MCF2L2: variants seen among roughly 807,000 people sequenced by gnomAD.
The protein encoded by MCF2L2 is probable guanine nucleotide exchange factor MCF2L2.
A neutral mutation model predicts 150.2 loss-of-function variants in MCF2L2; 102 were observed. The observed-to-expected ratio is 0.68, with a 90% CI of 0.58 to 0.80. The LOEUF (loss-of-function observed/expected upper bound fraction) is 0.80. Among genes scored for constraint, MCF2L2 ranks in the 30% least tolerant of loss-of-function variants. The pLI is 0.00. For missense variants in MCF2L2, 1,256 were observed against 1,372.8 expected, an observed-to-expected ratio of 0.91 and a Z score of 1.34; for synonymous variants, 465 against 491.3, an observed-to-expected ratio of 0.95 and a Z score of 0.71.
At chr3:183,258,796 G>A (rs1725318239) in intron 15 of MCF2L2, among the ~76,000 whole-genome samples, 1 of 152,090 alleles carries the variant, frequency 6.6e-6, no homozygotes, top group South Asian at 2.1e-4. Flanking sequence ...CTAGAGTGCA[G>A]AGGCATGTAG....
At chr3:183,413,834 TA>T (rs1715445470) in intron 1 of MCF2L2, among the ~76,000 whole-genome samples, 1 of 152,206 alleles carries the variant, frequency 6.6e-6, no homozygotes, top group Admixed American at 6.5e-5. Context: ...TCATTAAGTG[TA>T]AGTGGATCGC....
At chr3:183,212,458 A>G (rs1299096583) in intron 22 of MCF2L2, among the ~76,000 whole-genome samples, 4 of 152,212 alleles carry the variant, frequency 2.6e-5, no homozygotes, top group Non-Finnish European at 5.9e-5. Flanking sequence ...CCTCCTCTGT[A>G]CAAGAAGTGA....
chr3:183,274,600 G>A (rs1418397150), intron 15 of MCF2L2, among the ~76,000 whole-genome samples: 2 of 152,190 alleles, frequency 1.3e-5, no homozygotes, highest in South Asian at 2.1e-4. Context: ...GCAAGTCGTG[G>A]TAGGAGTGTT....
intron 1 of MCF2L2, among the ~76,000 whole-genome samples, chr3:183,419,881 A>G (rs1715789100): frequency 6.6e-6 from 1 of 152,222 alleles, no homozygotes; most frequent in African/African-American, 2.4e-5. Context: ...TCAGAAAAAA[A>G]AGAAAAAGAA....
intron 10 of MCF2L2, among the ~76,000 whole-genome samples, chr3:183,301,731 G>A (rs1031757174): frequency 1.7e-4 from 25 of 150,398 alleles, no homozygotes; most frequent in African/African-American, 5.2e-4. Flanking sequence ...GGAAGAGGAG[G>A]TTGCAGTGAG....
chr3:183,280,866 A>G (rs959666908), intron 14 of MCF2L2, among the ~76,000 whole-genome samples: 3 of 150,958 alleles, frequency 2.0e-5, no homozygotes, highest in Admixed American at 2.0e-4. Context: ...AAAAAAACAA[A>G]CAAGCAAACA....
At chr3:183,281,444 C>T (rs79412818) in intron 14 of MCF2L2, among the ~76,000 whole-genome samples, 2,447 of 149,748 alleles carry the variant, frequency 0.016, 40 homozygotes, top group Non-Finnish European at 0.021. Flanking sequence ...AGCACATTCA[C>T]AGATGGTTTG....
chr3:183,242,177 G>A (rs1724057083), intron 15 of MCF2L2, among the ~76,000 whole-genome samples: 1 of 151,878 alleles, frequency 6.6e-6, no homozygotes, highest in African/African-American at 2.4e-5. Flanking sequence ...CAAAAGGGAA[G>A]AAGAGCATAA....
chr3:183,376,232 T>C (rs182340094), intron 3 of MCF2L2: 18 of 152,354 alleles, frequency 1.2e-4, no homozygotes, highest in African/African-American at 4.1e-4. Flanking sequence ...GCCTGCTTCT[T>C]GCCACACAGT....
chr3:183,393,185 C>CT (rs1393671175), intron 1 of MCF2L2, among the ~76,000 whole-genome samples: 1 of 142,648 alleles, frequency 7.0e-6, no homozygotes, highest in Non-Finnish European at 1.5e-5. Flanking sequence ...TAGGGAGAAA[C>CT]TTGTCTCTTT....
chr3:183,313,375 G>A (rs1729465358), intron 7 of MCF2L2, among the ~76,000 whole-genome samples: 1 of 152,226 alleles, frequency 6.6e-6, no homozygotes, highest in Non-Finnish European at 1.5e-5. Context: ...TACATCCAAA[G>A]TGCGGCAGAG....
chr3:183,308,573 C>T (rs1729214867), intron 10 of MCF2L2, among the ~76,000 whole-genome samples: 1 of 152,146 alleles, frequency 6.6e-6, no homozygotes, highest in Non-Finnish European at 1.5e-5. Context: ...GAATGGGGAT[C>T]TGGATACACA....
intron 5 of MCF2L2, among the ~76,000 whole-genome samples, chr3:183,329,676 A>G (rs1730189443): frequency 6.6e-6 from 1 of 152,276 alleles, no homozygotes; most frequent in East Asian, 1.9e-4. Context: ...AGTCAGACTC[A>G]GACTCAAAGG....
rs546450936 is a variant in MCF2L2 at position 183,200,172 on chromosome 3, G to C, written c.2885-4917C>G. Among the ~76,000 whole-genome samples the C allele has an allele frequency of 3.3e-5, 5 of 152,280 alleles. No homozygotes were observed. In the East Asian group the frequency reaches 9.6e-4, roughly 29 times the overall value. On this transcript the variant is annotated intron_variant, in intron 25 of 29. Coordinates refer to ENST00000328913, the MANE Select transcript of MCF2L2 (RefSeq NM_015078.4). ...GGGATGGCTGGGTCAAACGATATTT[G>C]TAGTTCTAGATCTTTGAGGAATCGC...
chr3:183,271,853 A>T (rs1047371878), intron 15 of MCF2L2: 1 of 167,108 alleles, frequency 6.0e-6, no homozygotes, highest in Admixed American at 6.5e-5. Flanking sequence ...AAGACAGAAC[A>T]TTACAAGCCT....
chr3:183,351,688 A>G (rs12632576), intron 3 of MCF2L2, among the ~76,000 whole-genome samples: 17,087 of 152,216 alleles, frequency 0.11, 1,580 homozygotes, highest in African/African-American at 0.24. Context: ...TGATGGTTAC[A>G]CTGTGAACTT....
At chr3:183,211,410 T>A (rs1252208024) in intron 22 of MCF2L2, among the ~76,000 whole-genome samples, 1 of 152,118 alleles carries the variant, frequency 6.6e-6, no homozygotes, top group Non-Finnish European at 1.5e-5. Context: ...TGGGCACATA[T>A]CCTCTGGGTC....
chr3:183,297,461 T>C (rs747810274), intron 11 of MCF2L2: 2 of 312,274 alleles, frequency 6.4e-6, no homozygotes, highest in Non-Finnish European at 1.2e-5. Flanking sequence ...GCTAAATATA[T>C]ATTTAATTAA....
rs576167455 is a variant in MCF2L2, at chr3:183,180,041, A to T, written c.3105+30T>A. ...GCTGATGAATAGGAAGGAGGGAAGA[A>T]GATGAAAGAAACAAAAGGGAAGTAA... is the stretch of plus-strand genomic sequence containing the variant. On this transcript the variant is annotated intron_variant, in intron 28 of 29. Transcript: ENST00000328913. 4.5e-6 allele frequency: 7 copies of T among 1,540,606 alleles called. No homozygotes were observed. The South Asian group carries it at 6.7e-5, about 15-fold the overall frequency.
Sources: allele counts gnomAD v4.1 joint callset (sites outside exome capture counted in the v4.1 genomes callset), GRCh38; gene constraint gnomAD v4.1.1; transcripts MANE v1.5; gene names NCBI Gene and HGNC (gene_info 2026-07-23, HGNC 2026-07-21).